Variants in MBD5 observed in about 807,000 individuals in gnomAD.
The protein encoded by MBD5 is methyl-CpG-binding domain protein 5.
Under a neutral mutation model 117.3 loss-of-function variants are expected in MBD5, and 13 were observed. That is an observed-to-expected ratio of 0.11 (90% CI 0.07 to 0.18). The LOEUF (loss-of-function observed/expected upper bound fraction) is 0.18, where lower values mean the gene tolerates loss of function less well. Among genes scored for constraint, MBD5 ranks in the 10% least tolerant of loss-of-function variants. The probability of loss-of-function intolerance (pLI) is 1.00; values close to 1 mark genes in which losing one functional copy is unlikely to be tolerated. For synonymous variants in MBD5, 727 were observed against 766.4 expected, an observed-to-expected ratio of 0.95 and a Z score of 0.85; for missense variants, 1,879 against 2,093.8, an observed-to-expected ratio of 0.90 and a Z score of 2.00.
At chr2:148,049,669 C>G (rs1385935755) in intron 1 of MBD5, among the ~76,000 whole-genome samples, 1 of 152,188 alleles carries the variant, frequency 6.6e-6, no homozygotes, top group Non-Finnish European at 1.5e-5. Flanking sequence ...CAGAATATTT[C>G]TATCTCCCTG....
intron 4 of MBD5, among the ~76,000 whole-genome samples, chr2:148,376,863 T>C (rs1382118413): frequency 1.4e-5 from 2 of 141,018 alleles, no homozygotes; most frequent in Non-Finnish European, 3.0e-5. Flanking sequence ...TATAATCATA[T>C]ATATAATTAT....
intron 1 of MBD5, among the ~76,000 whole-genome samples, chr2:148,067,228 C>G (rs192761878): frequency 3.5e-4 from 54 of 152,262 alleles, no homozygotes; most frequent in Admixed American, 9.2e-4. Context: ...CTGAACCACA[C>G]GCTATATTAG....
Position 148,512,920 on chromosome 2 carries a change from G to A in MBD5, c.5163G>A (p.Lys1721=), listed in dbSNP as rs1057522299. The A allele has an allele frequency of 1.9e-6, 3 of 1,613,678 alleles. No individual in the cohort carries two copies. The Admixed American group carries it at 5.0e-5, about 27-fold the overall frequency. The change falls in exon 14 of 14, where the codon AAG becomes AAA. Residue 1721 remains lysine, a synonymous_variant. Transcript: ENST00000642680. ...GDRQMRPPKP[K]RRKISR ...GACAAATGAGACCCCCCAAACCCAA[G>A]AGGAGGAAGATCTCCAGATAACAGA... is the stretch of plus-strand genomic sequence containing the variant.
chr2:148,071,274 ATATGTGTGTGTG>A (rs70992191), intron 1 of MBD5: 45,936 of 134,730 alleles, frequency 0.34, 7,294 homozygotes, highest in Middle Eastern at 0.46. Context: ...ATATATCTGT[ATATGTGTGTGTG>A]TGTGTGTGTG....
intron 3 of MBD5, among the ~76,000 whole-genome samples, chr2:148,286,401 G>A (rs1335810606): frequency 6.6e-6 from 1 of 152,114 alleles, no homozygotes; most frequent in Admixed American, 6.5e-5. Context: ...CGATCCCCAA[G>A]CTGACAAGCA....
chr2:148,324,841 A>G (rs904619925), intron 3 of MBD5, among the ~76,000 whole-genome samples: 5 of 152,010 alleles, frequency 3.3e-5, no homozygotes, highest in South Asian at 2.1e-4. Context: ...TCTCCTGCCT[A>G]ATTGCCCTGG....
At chr2:148,196,387 T>TA (rs1003320721) in intron 2 of MBD5, among the ~76,000 whole-genome samples, 44 of 150,888 alleles carry the variant, frequency 2.9e-4, no homozygotes, top group African/African-American at 5.3e-4. Flanking sequence ...GTGCCACTAC[T>TA]AAAAAAAAAT....
At chr2:148,140,466 A>G (rs1035900638) in intron 1 of MBD5, among the ~76,000 whole-genome samples, 3 of 152,200 alleles carry the variant, frequency 2.0e-5, no homozygotes, top group Admixed American at 6.5e-5. Context: ...ATGTAAAGGT[A>G]GTTAACTAGT....
chr2:148,365,889 C>A (rs551806645), intron 4 of MBD5, among the ~76,000 whole-genome samples: 5 of 151,852 alleles, frequency 3.3e-5, no homozygotes, highest in African/African-American at 9.7e-5. Context: ...GTGAATTCTA[C>A]CAGAAGTACA....
chr2:148,032,992 CT>C (rs1258733717), intron 1 of MBD5, among the ~76,000 whole-genome samples: 1 of 151,974 alleles, frequency 6.6e-6, no homozygotes, highest in Non-Finnish European at 1.5e-5. Context: ...AGAAAAAAGC[CT>C]TACTTCAAGT....
chr2:148,269,742 T>C (rs2106336376), intron 3 of MBD5, among the ~76,000 whole-genome samples: 1 of 151,436 alleles, frequency 6.6e-6, no homozygotes, highest in East Asian at 1.9e-4. Flanking sequence ...TACCAGTTTT[T>C]ATCTTTAAAA....
intron 1 of MBD5, among the ~76,000 whole-genome samples, chr2:148,178,017 A>G (rs1698430511): frequency 6.6e-6 from 1 of 152,288 alleles, no homozygotes; most frequent in Non-Finnish European, 1.5e-5. Flanking sequence ...AAAAGTACAT[A>G]TTAAGTATGG....
intron 3 of MBD5, among the ~76,000 whole-genome samples, chr2:148,284,745 A>T (rs1559005158): frequency 6.6e-6 from 1 of 152,180 alleles, no homozygotes; most frequent in Admixed American, 6.5e-5. Flanking sequence ...TTTTTAAATT[A>T]TCAGATTGTA....
intron 11 of MBD5, among the ~76,000 whole-genome samples, chr2:148,494,988 A>T (rs1442790548): frequency 1.3e-5 from 2 of 152,126 alleles, no homozygotes; most frequent in African/African-American, 2.4e-5. Flanking sequence ...AATAAATAAA[A>T]AAAATTGAAG....
intron 4 of MBD5, among the ~76,000 whole-genome samples, chr2:148,377,670 GA>G (rs1226285075): frequency 1.3e-5 from 2 of 152,146 alleles, no homozygotes; most frequent in Non-Finnish European, 2.9e-5. Context: ...TAAATCTAAA[GA>G]GGAGGCTGAA....
intron 2 of MBD5, among the ~76,000 whole-genome samples, chr2:148,215,786 G>T (rs1574146984): frequency 6.7e-6 from 1 of 149,608 alleles, no homozygotes; most frequent in African/African-American, 2.5e-5. Context: ...GCCTCCCAAA[G>T]TGCCAGAATT....
chr2:148,445,726 T>G (rs182653623), intron 4 of MBD5, among the ~76,000 whole-genome samples: 1 of 151,526 alleles, frequency 6.6e-6, no homozygotes, highest in African/African-American at 2.4e-5. Context: ...ACTTCCACAA[T>G]GGTTGAACTA....
At chr2:148,149,046 G>A (rs866567106) in intron 1 of MBD5, among the ~76,000 whole-genome samples, 11 of 151,636 alleles carry the variant, frequency 7.3e-5, no homozygotes, top group African/African-American at 1.2e-4. Flanking sequence ...CCACTAAATC[G>A]TCATCTAGCA....
intron 3 of MBD5, among the ~76,000 whole-genome samples, chr2:148,285,002 A>T (rs1701338030): frequency 6.6e-6 from 1 of 152,202 alleles, no homozygotes; most frequent in Admixed American, 6.5e-5. Flanking sequence ...CTGTTATTAC[A>T]GCCTTCCCCA....
Sources: allele counts gnomAD v4.1 joint callset (sites outside exome capture counted in the v4.1 genomes callset), GRCh38; gene constraint gnomAD v4.1.1; transcripts MANE v1.5; gene names NCBI Gene and HGNC (gene_info 2026-07-23, HGNC 2026-07-21).